ARHGEF33: variants seen among roughly 807,000 people sequenced by gnomAD.
ARHGEF33 encodes DH and coiled-coil domain-containing protein ENSP00000381780.
Under a neutral mutation model 101.9 loss-of-function variants are expected in ARHGEF33, and 72 were observed. That is an observed-to-expected ratio of 0.71 (90% CI 0.58 to 0.86). The LOEUF is 0.86. Ranked by LOEUF, ARHGEF33 falls within the 40% of genes least tolerant of loss-of-function variation. The pLI is 0.00. For synonymous variants in ARHGEF33, 499 were observed against 442.5 expected (o/e 1.13, Z -1.60); for missense variants, 1,169 against 1,111.3 (o/e 1.05, Z -0.74).
At chr2:38,924,551 T>TTA (rs1267333916) in intron 4 of ARHGEF33, among the ~76,000 whole-genome samples, 2 of 152,212 alleles carry the variant, frequency 1.3e-5, no homozygotes, top group African/African-American at 4.8e-5. Context: ...CAACTCCAAC[T>TTA]GTGTTTTAAG....
In ARHGEF33 at chr2:38,974,894, G is replaced by C. The variant is rs1668242703; in HGVS notation, c.*1051G>C. On this transcript the variant is annotated 3_prime_UTR_variant, in exon 18 of 18. Coordinates refer to ENST00000409978, the MANE Select transcript of ARHGEF33 (RefSeq NM_001145451.5). ...AATCAGATTGCAACGAGGCCTGCCT[G>C]GCTCTGGGGTGATAAAATGTGCTCT... 1 of 152,048 alleles carries C rather than the reference G, an allele frequency of 6.6e-6. No homozygotes were observed. Among genetic ancestry groups the C allele is most frequent in the Non-Finnish European group, 1.5e-5 (1 of 67,926 alleles). 9.4% of individuals were successfully genotyped at this position (152,048 alleles called of 1,614,324 possible). A position where few individuals can be genotyped will look rare whatever the true frequency, so the allele number is the denominator to read the frequency against.
intron 10 of ARHGEF33, among the ~76,000 whole-genome samples, chr2:38,948,652 A>G (rs1017246642): frequency 2.0e-5 from 3 of 152,206 alleles, no homozygotes; most frequent in African/African-American, 7.2e-5. Context: ...AAGACATTTT[A>G]TATACATATA....
intron 1 of ARHGEF33, among the ~76,000 whole-genome samples, chr2:38,890,557 TTGG>T (rs1665973409): frequency 6.6e-6 from 1 of 152,178 alleles, no homozygotes; most frequent in Admixed American, 6.5e-5. Context: ...TCATGGGGCT[TTGG>T]TGTGTAATGA....
At chr2:38,890,614 C>A (rs1009039273) in intron 1 of ARHGEF33, among the ~76,000 whole-genome samples, 1 of 152,050 alleles carries the variant, frequency 6.6e-6, no homozygotes, top group African/African-American at 2.4e-5. Context: ...GTGAGAATAG[C>A]GTTCTATTAT....
In ARHGEF33 at chr2:38,900,581, A is replaced by C. The variant is rs1045300641; in HGVS notation, c.-86+4732A>C. Among the ~76,000 whole-genome samples, 10 of 152,332 alleles carry C rather than the reference A, an allele frequency of 6.6e-5. No homozygotes were observed. The East Asian group carries it at 7.7e-4, about 12-fold the overall frequency. ...GCTAGTCCAGTCACTAGCTGTTACA[A>C]GTAGCAAAATCATATCAACCAATGT... On this transcript the variant is annotated intron_variant, in intron 2 of 17. Coordinates refer to ENST00000409978, the MANE Select transcript of ARHGEF33 (RefSeq NM_001145451.5).
chr2:38,963,204 T>C (rs1468491202), intron 16 of ARHGEF33, among the ~76,000 whole-genome samples: 1 of 152,204 alleles, frequency 6.6e-6, no homozygotes, highest in East Asian at 1.9e-4. Flanking sequence ...GAATGGTGTT[T>C]TAGTTGCAAA....
intron 8 of ARHGEF33, 58 bp downstream of exon 8, chr2:38,935,892 C>T: frequency 1.5e-6 from 2 of 1,332,892 alleles, no homozygotes; most frequent in East Asian, 5.0e-5. Flanking sequence ...TTTTCCACTT[C>T]TATCTTCCCT....
chr2:38,913,385 T>C (rs1666558484), intron 2 of ARHGEF33, among the ~76,000 whole-genome samples: 1 of 152,236 alleles, frequency 6.6e-6, no homozygotes, highest in African/African-American at 2.4e-5. Context: ...TCCAATGTAA[T>C]TGAAGTTTTT....
Position 38,928,975 on chromosome 2 carries a change from A to C in ARHGEF33, c.144A>C (p.Gln48His). 3 of 1,551,684 alleles carry C rather than the reference A, an allele frequency of 1.9e-6. No individual in the cohort carries two copies. The highest frequency in any genetic ancestry group is 1.7e-6 in the Non-Finnish European group (2 of 1,146,894). The change falls in exon 5 of 18, where the codon CAA becomes CAC. Residue 48 changes from glutamine to histidine, a missense_variant. Transcript: ENST00000409978. ...TEAMQELSRI[Q>H]HGEYALEEKV... ...CAATGCAAGAACTGTCAAGAATTCA[A>C]CATGGAGAATATGCTTTGGAAGAAA... is the stretch of plus-strand genomic sequence containing the variant.
At chr2:38,907,860 ATT>A (rs553491008) in intron 2 of ARHGEF33, among the ~76,000 whole-genome samples, 25 of 131,626 alleles carry the variant, frequency 1.9e-4, no homozygotes, top group Middle Eastern at 3.8e-3. Flanking sequence ...CTCTGGGAGG[ATT>A]TTTTTTTTTT....
At chr2:38,968,670 A>G (rs1260327066) in intron 17 of ARHGEF33, among the ~76,000 whole-genome samples, 4 of 152,196 alleles carry the variant, frequency 2.6e-5, no homozygotes, top group African/African-American at 4.8e-5. Context: ...TCCTGCATCA[A>G]TCATGTTGCC....
chr2:38,908,429 A>T (rs1226190907), intron 2 of ARHGEF33, among the ~76,000 whole-genome samples: 1 of 152,192 alleles, frequency 6.6e-6, no homozygotes, highest in African/African-American at 2.4e-5. Context: ...TATGTCTTCA[A>T]TGAGGCATTT....
At chr2:38,955,701 G>A (rs1343833956) in intron 13 of ARHGEF33, among the ~76,000 whole-genome samples, 1 of 151,246 alleles carries the variant, frequency 6.6e-6, no homozygotes, top group Non-Finnish European at 1.5e-5. Context: ...TTTTGAGATG[G>A]AGTCTCACTC....
chr2:38,954,792 C>T (rs1667699708), intron 13 of ARHGEF33, among the ~76,000 whole-genome samples: 1 of 151,958 alleles, frequency 6.6e-6, no homozygotes, highest in Non-Finnish European at 1.5e-5. Context: ...TGCCACCATG[C>T]CCAGCTAATT....
chr2:38,899,037 T>C (rs1055718960), intron 2 of ARHGEF33, among the ~76,000 whole-genome samples: 10 of 152,040 alleles, frequency 6.6e-5, no homozygotes, highest in Admixed American at 2.0e-4. Flanking sequence ...ATTTTTTTTT[T>C]AAAGAGTGGT....
intron 2 of ARHGEF33, among the ~76,000 whole-genome samples, chr2:38,911,209 C>G (rs1447293674): frequency 6.6e-6 from 1 of 152,142 alleles, no homozygotes; most frequent in Non-Finnish European, 1.5e-5. Flanking sequence ...CCACAAAGAT[C>G]ATATAGACTC....
chr2:38,925,282 T>C (rs1167976748), intron 4 of ARHGEF33, among the ~76,000 whole-genome samples: 1 of 152,244 alleles, frequency 6.6e-6, no homozygotes, highest in Non-Finnish European at 1.5e-5. Context: ...ATAAATGATG[T>C]GCCAAAAGTG....
chr2:38,965,888 A>G (rs1416829395), intron 16 of ARHGEF33, 118 bp from the exon 17 acceptor site: 2 of 1,258,120 alleles, frequency 1.6e-6, no homozygotes, highest in Non-Finnish European at 2.2e-6. Context: ...TTGGGTGCCC[A>G]CTGGTAGTCT....
Position 38,917,102 on chromosome 2 carries a change from C to CTTTTTTTTTTTTTTTT in ARHGEF33, c.-85-2254_-85-2253insTTTTTTTTTTTTTTTT, listed in dbSNP as rs371044814. Among the ~76,000 whole-genome samples, 46 of 129,300 alleles carry CTTTTTTTTTTTTTTTT rather than the reference C, an allele frequency of 3.6e-4. 6 individuals are homozygous for CTTTTTTTTTTTTTTTT. The highest frequency in any genetic ancestry group is 3.8e-4 in the Non-Finnish European group (24 of 62,828). 84.8% of individuals were successfully genotyped at this position (129,300 alleles called of 152,430 possible). On this transcript the variant is annotated intron_variant, in intron 2 of 17. Transcript: ENST00000409978. ...GGTGTGAGCCACTGCAACCGGTCTTCTTTTTTTGAGACGGAGTCTCACTAC... is the reference window on the plus strand; with the variant it reads ...GGTGTGAGCCACTGCAACCGGTCTTCTTTTTTTTTTTTTTTTTTTTTTTGAGACGGAGTCTCACTAC...
Sources: allele counts gnomAD v4.1 joint callset (sites outside exome capture counted in the v4.1 genomes callset), GRCh38; gene constraint gnomAD v4.1.1; transcripts MANE v1.5; gene names NCBI Gene and HGNC (gene_info 2026-07-23, HGNC 2026-07-21).